Variants in ITGA11 observed in about 807,000 individuals in gnomAD.
ITGA11 encodes the protein integrin subunit alpha 11, also known as integrin alpha-11.
Under a neutral mutation model 141.9 loss-of-function variants are expected in ITGA11, and 97 were observed. That is an observed-to-expected ratio of 0.68 (90% CI 0.58 to 0.81). The LOEUF (loss-of-function observed/expected upper bound fraction) is 0.81. Among genes scored for constraint, ITGA11 ranks in the 30% least tolerant of loss-of-function variants. The pLI, the probability that ITGA11 is intolerant of heterozygous loss-of-function variation, is 0.00. For synonymous variants in ITGA11, 658 were observed against 624.6 expected (o/e 1.05, Z -0.80); for missense variants, 1,387 against 1,559.2 (o/e 0.89, Z 1.86).
At chr15:68,405,327 A>C (rs1021980607) in intron 1 of ITGA11, among the ~76,000 whole-genome samples, 1 of 146,034 alleles carries the variant, frequency 6.8e-6, no homozygotes. Context: ...CTTCTGGAGC[A>C]CTGAGTTAGG....
chr15:68,364,617 T>C, intron 4 of ITGA11, 90 bp downstream of exon 4: 1 of 997,614 alleles, frequency 1.0e-6, no homozygotes, highest in Non-Finnish European at 1.6e-6. Flanking sequence ...GTGTACAGGA[T>C]GGACATGAGG....
chr15:68,331,660 G>T (rs565876109), intron 14 of ITGA11, among the ~76,000 whole-genome samples, 199 bp downstream of exon 14: 17 of 152,096 alleles, frequency 1.1e-4, no homozygotes, highest in African/African-American at 4.1e-4. Context: ...GCCAAAGGGG[G>T]TGATGGGAGG....
intron 2 of ITGA11, among the ~76,000 whole-genome samples, chr15:68,393,862 C>T (rs953968104): frequency 4.6e-5 from 7 of 152,076 alleles, no homozygotes; most frequent in African/African-American, 1.4e-4. Context: ...ACAATAATGT[C>T]TTGTGGAATT....
intron 7 of ITGA11, chr15:68,356,933 C>T: frequency 1.9e-6 from 1 of 534,090 alleles, no homozygotes; most frequent in Non-Finnish European, 3.3e-6. Context: ...TGAGAACCTT[C>T]AGATGACAAC....
At position 68,307,564 on chromosome 15, in the gene ITGA11, C is replaced by T; in HGVS notation, c.3285+22G>A. The T allele has an allele frequency of 6.3e-7, 1 of 1,578,758 alleles. No individual in the cohort carries two copies. The highest frequency in any genetic ancestry group is 8.7e-7 in the Non-Finnish European group (1 of 1,151,460). ...CCCCCTTTCCCTTCTTCCTTCCAGCCCAGCCCAGGGGCTCTACTTACTGCT... is the reference window on the plus strand; with the variant it reads ...CCCCCTTTCCCTTCTTCCTTCCAGCTCAGCCCAGGGGCTCTACTTACTGCT... On this transcript the variant is annotated intron_variant, in intron 27 of 29. Coordinates refer to ENST00000315757, the MANE Select transcript of ITGA11 (RefSeq NM_001004439.2). This position sits in a 1 kb window ranked among gnomAD's most constrained non-coding sequence, Gnocchi z 6.1.
intron 1 of ITGA11, among the ~76,000 whole-genome samples, chr15:68,430,839 G>T (rs1486196664): frequency 1.3e-5 from 2 of 152,244 alleles, no homozygotes; most frequent in African/African-American, 2.4e-5. Flanking sequence ...CCTCTGAGAA[G>T]CTCCTCTGTA....
chr15:68,332,044 C>A lies in ITGA11; in HGVS notation c.1585G>T (p.Gly529Ter). Residue 529 changes from glycine to a stop codon, truncating the protein, a stop_gained, in exon 14 of 30, where the codon GGA (glycine) becomes TGA (stop). Coordinates refer to ENST00000315757, the MANE Select transcript of ITGA11 (RefSeq NM_001004439.2). LOFTEE classifies it high-confidence loss of function. ...ELRQNLFVYNGTLKDSHSYQN... is the reference protein window; with the variant it reads ...ELRQNLFVYN ...TAACTGTGTGAATCCTTTAGCGTTC[C>A]GTTATAAACAAACAGGTTCTGCAAA... 6.2e-7 allele frequency: 1 copy of A among 1,605,216 alleles called. No homozygotes were observed. Among genetic ancestry groups the A allele is most frequent in the South Asian group, 1.1e-5 (1 of 89,268 alleles).
chr15:68,431,315 A>G (rs922124651), intron 1 of ITGA11, among the ~76,000 whole-genome samples: 1 of 152,162 alleles, frequency 6.6e-6, no homozygotes, highest in Non-Finnish European at 1.5e-5. Context: ...TTATTGAATA[A>G]TTGCATAATT....
chr15:68,307,733 G>C lies in ITGA11; in HGVS notation c.3175-37C>G, dbSNP rs769869001. On this transcript the variant is annotated intron_variant, in intron 26 of 29. Transcript: ENST00000315757. This position sits in a 1 kb window ranked among gnomAD's most constrained non-coding sequence, Gnocchi z 6.1. ...GATGGGTCTCAGGGCTGAGCTGCTG[G>C]GCTAGGGGAGCAGGGGGCAGCAACA... is the stretch of plus-strand genomic sequence containing the variant. The C allele has an allele frequency of 3.4e-6, 5 of 1,460,674 alleles. No homozygotes were observed. In the Admixed American group the frequency reaches 6.9e-5, roughly 20 times the overall value. The allele number at this position is 1,460,674 out of a possible 1,614,324, so 90.5% of individuals were successfully genotyped here. A position where few individuals can be genotyped will look rare whatever the true frequency, so the allele number is the denominator to read the frequency against.
chr15:68,376,725 C>T (rs1442592324), intron 2 of ITGA11, among the ~76,000 whole-genome samples: 1 of 152,242 alleles, frequency 6.6e-6, no homozygotes, highest in Non-Finnish European at 1.5e-5. Flanking sequence ...TGCCTTGGGC[C>T]TCAGTGTTCT....
intron 2 of ITGA11, among the ~76,000 whole-genome samples, chr15:68,394,483 A>G (rs994078365): frequency 1.3e-4 from 20 of 152,138 alleles, no homozygotes; most frequent in Non-Finnish European, 2.4e-4. Context: ...ATAGCCTTAT[A>G]TGTATATTTT....
intron 28 of ITGA11, among the ~76,000 whole-genome samples, chr15:68,306,464 G>C (rs1014611131): frequency 6.6e-6 from 1 of 152,070 alleles, no homozygotes; most frequent in Non-Finnish European, 1.5e-5. Context: ...GATGTCCCTC[G>C]CTCGGAATCG....
chr15:68,309,767 G>A (rs2140269733), intron 26 of ITGA11, among the ~76,000 whole-genome samples: 1 of 151,930 alleles, frequency 6.6e-6, no homozygotes, highest in South Asian at 2.1e-4. Flanking sequence ...ATTTTTGTAT[G>A]TTTAGTAGAG....
At chr15:68,410,910 G>C (rs1173236167) in intron 1 of ITGA11, among the ~76,000 whole-genome samples, 1 of 152,216 alleles carries the variant, frequency 6.6e-6, no homozygotes, top group Non-Finnish European at 1.5e-5. Flanking sequence ...GGGAGAAGCA[G>C]GGATACTGCC....
At chr15:68,338,781 A>G (rs1261715640) in intron 11 of ITGA11, among the ~76,000 whole-genome samples, 1 of 152,248 alleles carries the variant, frequency 6.6e-6, no homozygotes, top group Admixed American at 6.5e-5. Context: ...GGAGGCCTCA[A>G]TGAGGAGTAA....
Position 68,331,951 on chromosome 15 carries a change from C to A in ITGA11, c.1678G>T (p.Val560Leu), listed in dbSNP as rs750165466. 6 of 1,613,404 alleles carry A rather than the reference C, an allele frequency of 3.7e-6. No individual in the cohort carries two copies. In the Admixed American group the frequency reaches 6.7e-5, roughly 18 times the overall value. Residue 560 changes from valine to leucine, a missense_variant, in exon 14 of 30, where the codon GTG becomes TTG. By Grantham distance (32) the Val-to-Leu change is conservative. Coordinates refer to ENST00000315757, the MANE Select transcript of ITGA11 (RefSeq NM_001004439.2). Reference protein sequence around the residue: ...RDLNQDSYNDVVVGAPLEDNH... With the variant: ...RDLNQDSYNDLVVGAPLEDNH... Reference sequence around the variant, plus strand: ...TCCTCCAGGGGGGCTCCCACCACCACGTCATTGTAGGAATCCTGGTTGAGG... The same window carrying A: ...TCCTCCAGGGGGGCTCCCACCACCAAGTCATTGTAGGAATCCTGGTTGAGG...
In ITGA11 at chr15:68,303,128, G is replaced by A. The variant is rs377767119; in HGVS notation, c.3498C>T (p.Leu1166=). ...LALLVLALWK[L]GFFRSARRRR... is the part of the protein sequence containing the mutation. ...TGCGCCTGGCACTTCTAAAGAAGCC[G>A]AGCTGTGAGGAGGCAAAGGGAGACG... Residue 1166 remains leucine (L), a splice_region_variant and synonymous_variant, in exon 30 of 30, where the codon CTC becomes CTT. Coordinates refer to ENST00000315757, the MANE Select transcript of ITGA11 (RefSeq NM_001004439.2). The surrounding 1 kb of genome is among the most constrained non-coding windows in gnomAD (Gnocchi z 5.3). 7.7e-6 allele frequency: 12 copies of A among 1,551,110 alleles called. No individual in the cohort carries two copies. The highest frequency in any genetic ancestry group is 1.4e-5 in the African/African-American group (1 of 73,078).
chr15:68,343,789 T>C (rs1160149984), intron 10 of ITGA11, among the ~76,000 whole-genome samples: 1 of 152,174 alleles, frequency 6.6e-6, no homozygotes, highest in Non-Finnish European at 1.5e-5. Context: ...TTTTCACTAA[T>C]GGCTTGGAGT....
In ITGA11 at chr15:68,335,983, C is replaced by T. The variant is rs749797514; in HGVS notation, c.1277-138G>A. 102 of 1,006,284 alleles carry T rather than the reference C, an allele frequency of 1.0e-4. 1 individual carries two copies. The highest frequency in any genetic ancestry group is 7.9e-4 in the South Asian group (49 of 62,048). 62.3% of individuals were successfully genotyped at this position (1,006,284 alleles called of 1,614,324 possible). On this transcript the variant is annotated intron_variant, in intron 11 of 29. Transcript: ENST00000315757. The surrounding 1 kb of genome is among the most constrained non-coding windows in gnomAD (Gnocchi z 4.9). ...AGGGCTAGCTGAGCAGATTCAATCA[C>T]GCAGGGCCATAATTCCTAGGGGCAG...
Sources: gnomAD v4.1 joint callset for allele counts (sites outside exome capture counted in the v4.1 genomes callset) on GRCh38, gnomAD v4.1.1 for gene constraint, Gnocchi (gnomAD v3.1) non-coding constraint, MANE v1.5 for transcripts, NCBI Gene and HGNC (gene_info 2026-07-23, HGNC 2026-07-21) for gene names.